The following IL17D variants were observed in gnomAD, a reference collection of about 807,000 sequenced individuals.
The protein encoded by IL17D is interleukin-17D.
IL17D carries 10 observed loss-of-function variants against 5.7 expected under a neutral mutation model. The observed-to-expected ratio is 1.75, with a 90% confidence interval of 1.08 to 2.97. The LOEUF (loss-of-function observed/expected upper bound fraction) is 2.97. Among genes scored for constraint, IL17D ranks in the 30% most tolerant of loss-of-function variants. The pLI, the probability that IL17D is intolerant of heterozygous loss-of-function variation, is 0.00. For missense variants in IL17D, 354 were observed against 292.7 expected (o/e 1.21, Z -1.53); for synonymous variants, 172 against 141.7 (o/e 1.21, Z -1.52).
intron 1 of IL17D, chr13:20,717,461 C>T (rs529007479): frequency 1.3e-5 from 2 of 152,376 alleles, no homozygotes; most frequent in East Asian, 3.9e-4. Context: ...GTTGATGTCC[C>T]CAGACTGCAG....
chr13:20,705,350 CTG>C (rs1472292280), intron 1 of IL17D, among the ~76,000 whole-genome samples: 2 of 151,600 alleles, frequency 1.3e-5, no homozygotes, highest in Non-Finnish European at 2.9e-5. Flanking sequence ...AGGTGTTTGC[CTG>C]TGGGGTGGGC....
chr13:20,719,212 C>T (rs1026870901), intron 1 of IL17D, among the ~76,000 whole-genome samples: 19 of 150,242 alleles, frequency 1.3e-4, no homozygotes, highest in Non-Finnish European at 1.0e-4. Flanking sequence ...CCACACCTGC[C>T]CACTCACCAC....
upstream of IL17D, chr13:20,702,327 T>C (rs1006415262): frequency 6.6e-6 from 1 of 152,248 alleles, no homozygotes; most frequent in Non-Finnish European, 1.5e-5. Context: ...ATTCAATGCA[T>C]AGGAAAGTGT....
At chr13:20,709,329 A>G in intron 1 of IL17D, among the ~76,000 whole-genome samples, 1 of 152,268 alleles carries the variant, frequency 6.6e-6, no homozygotes, top group East Asian at 1.9e-4. Flanking sequence ...ACACTTGCCC[A>G]CGTGCCAAAT....
intron 1 of IL17D, among the ~76,000 whole-genome samples, chr13:20,718,947 T>A: frequency 1.1e-5 from 1 of 94,054 alleles, no homozygotes; most frequent in East Asian, 3.6e-4. Context: ...CGCTCACACC[T>A]GCCTCCACAC....
At position 20,721,706 on chromosome 13, in the gene IL17D, A is replaced by T. The variant is rs780238423; in HGVS notation, c.361A>T (p.Thr121Ser). The change falls in exon 2 of 2, where the codon ACC (threonine) becomes TCC (serine). Residue 121 changes from threonine (T) to serine (S), a missense_variant. By Grantham distance (58) the Thr-to-Ser change is moderately conservative. Coordinates refer to ENST00000682841, the MANE Select transcript of IL17D (RefSeq NM_001385224.1). The part of the protein sequence containing the change: ...EAYCLCRGCL[T>S]GLFGEEDVRF... ...CTACTGCCTGTGCCGGGGCTGCCTG[A>T]CCGGGCTGTTCGGCGAGGAGGACGT... 2 of 1,611,294 alleles carry T rather than the reference A, an allele frequency of 1.2e-6. No homozygotes were observed. Among genetic ancestry groups the T allele is most frequent in the Non-Finnish European group, 1.7e-6 (2 of 1,179,204 alleles).
intron 1 of IL17D, among the ~76,000 whole-genome samples, chr13:20,718,835 CAG>C (rs1316917644): frequency 2.7e-5 from 4 of 145,988 alleles, no homozygotes; most frequent in Admixed American, 6.8e-5. Context: ...TGCCCACACT[CAG>C]ACACACCTGC....
chr13:20,719,364 C>T (rs2058714147), intron 1 of IL17D, among the ~76,000 whole-genome samples: 1 of 149,522 alleles, frequency 6.7e-6, no homozygotes, highest in Admixed American at 6.7e-5. Flanking sequence ...CATACTCACA[C>T]ACATGCCCAC....
At chr13:20,702,067 T>A (rs1156709498), upstream of IL17D, 1 of 152,216 alleles carries the variant, frequency 6.6e-6, no homozygotes, top group Non-Finnish European at 1.5e-5. Flanking sequence ...GAAACCCTCA[T>A]AATGATACTC....
chr13:20,702,149 C>T (rs2058551390), upstream of IL17D: 2 of 152,138 alleles, frequency 1.3e-5, no homozygotes, highest in African/African-American at 4.8e-5. Flanking sequence ...AACCTTTATT[C>T]CCATTTTACT....
At chr13:20,720,883 C>A (rs1300318945) in intron 1 of IL17D, among the ~76,000 whole-genome samples, 2 of 146,262 alleles carry the variant, frequency 1.4e-5, no homozygotes, top group East Asian at 2.1e-4. Flanking sequence ...AACCCCCCCC[C>A]CCCTCCCCCG....
Position 20,708,843 on chromosome 13 carries a change from CA to C in IL17D, c.290+4569del, listed in dbSNP as rs10644027. Among the ~76,000 whole-genome samples the C allele has an allele frequency of 9.8e-3, 1,095 of 111,784 alleles. 24 individuals carry two copies. Among genetic ancestry groups the C allele is most frequent in the African/African-American group, 0.027 (791 of 29,498 alleles). The allele number at this position is 111,784 out of a possible 152,430, so 73.3% of individuals were successfully genotyped here. A position where few individuals can be genotyped will look rare whatever the true frequency, so the allele number is the denominator to read the frequency against. ...TGAAACCCCATCTCTACTAAAAATA[CA>C]AAAAAAAAAAAAAAAATTAGCCAGG... is the stretch of plus-strand genomic sequence containing the variant. On this transcript the variant is annotated intron_variant, in intron 1 of 1. Transcript: ENST00000682841.
chr13:20,702,576 T>C (rs1170950424), upstream of IL17D: 3 of 152,268 alleles, frequency 2.0e-5, no homozygotes, highest in Non-Finnish European at 2.9e-5. Flanking sequence ...AACGAGCACG[T>C]TGTCTTGTGT....
chr13:20,718,658 A>G (rs1371608685), intron 1 of IL17D, among the ~76,000 whole-genome samples: 3 of 98,104 alleles, frequency 3.1e-5, no homozygotes, highest in African/African-American at 3.9e-5. Context: ...CTGCCCACTT[A>G]CATGCCCACG....
chr13:20,703,605 G>A (rs1228116516), upstream of IL17D: 1 of 191,772 alleles, frequency 5.2e-6, no homozygotes, highest in Non-Finnish European at 9.6e-6. Context: ...GCTGGCGGCG[G>A]AGCAGGGATG....
chr13:20,710,865 A>G (rs998014847), intron 1 of IL17D, among the ~76,000 whole-genome samples: 1 of 152,094 alleles, frequency 6.6e-6, no homozygotes, highest in South Asian at 2.1e-4. Flanking sequence ...ACAGTAAACA[A>G]CTCTATGGAT....
At position 20,704,129 on chromosome 13, in the gene IL17D, A is replaced by C; in HGVS notation, c.128A>C (p.Tyr43Ser). 1 of 1,324,648 alleles carries C rather than the reference A, an allele frequency of 7.5e-7. No homozygotes were observed. Among genetic ancestry groups the C allele is most frequent in the Non-Finnish European group, 9.7e-7 (1 of 1,026,906 alleles). 82.1% of individuals were successfully genotyped at this position (1,324,648 alleles called of 1,614,324 possible). Reference protein sequence around the residue: ...DRPEELLEQLYGRLAAGVLSA... With the variant: ...DRPEELLEQLSGRLAAGVLSA... ...CCGGAGGAGCTACTGGAGCAGCTGT[A>C]CGGGCGCCTGGCGGCCGGCGTGCTC... Residue 43 changes from tyrosine to serine, a missense_variant, in exon 1 of 2, where the codon TAC (tyrosine) becomes TCC (serine). Physicochemically the swap from Tyr to Ser is moderately radical, Grantham distance 144. Transcript: ENST00000682841.
chr13:20,704,220 A>AG lies in IL17D; in HGVS notation c.224dup (p.Arg76GlnfsTer36). On this transcript the variant is annotated frameshift_variant, in exon 1 of 2. Transcript: ENST00000682841. LOFTEE classifies it high-confidence loss of function. Reference sequence around the variant, plus strand: ...AGGCGCGCAACGCGAGCTGCCCGGCAGGGGGCAGGCCCGCCGACCGCCGCT... The same window carrying AG: ...AGGCGCGCAACGCGAGCTGCCCGGCAGGGGGGCAGGCCCGCCGACCGCCGCT... 5 of 1,353,272 alleles carry AG rather than the reference A, an allele frequency of 3.7e-6. No homozygotes were observed. The highest frequency in any genetic ancestry group is 2.9e-5 in the Admixed American group (1 of 34,000). The allele number at this position is 1,353,272 out of a possible 1,614,324, so 83.8% of individuals were successfully genotyped here.
At chr13:20,717,422 C>T (rs1479104663) in intron 1 of IL17D, 1 of 152,248 alleles carries the variant, frequency 6.6e-6, no homozygotes, top group Non-Finnish European at 1.5e-5. Flanking sequence ...TTGGTGGCAG[C>T]TTTCCTTAAC....
Sources: gnomAD v4.1 joint callset for allele counts (sites outside exome capture counted in the v4.1 genomes callset) on GRCh38, gnomAD v4.1.1 for gene constraint, MANE v1.5 for transcripts, NCBI Gene and HGNC (gene_info 2026-07-23, HGNC 2026-07-21) for gene names.